The following PLCL2 variants were observed in gnomAD, a reference collection of about 807,000 sequenced individuals.
The protein encoded by PLCL2 is phospholipase C like 2, also known as inactive phospholipase C-like protein 2.
In PLCL2, 4 loss-of-function variants were observed where a neutral mutation model predicts 79.6. That is an observed-to-expected ratio of 0.05 (90% CI 0.02 to 0.11). The LOEUF is 0.11. PLCL2 is among the 10% of genes least tolerant of loss of function. The probability of loss-of-function intolerance (pLI) is 1.00; values close to 1 mark genes in which losing one functional copy is unlikely to be tolerated. For synonymous variants in PLCL2, 484 were observed against 457.7 expected, an observed-to-expected ratio of 1.06 and a Z score of -0.73; for missense variants, 895 against 1,291.0, an observed-to-expected ratio of 0.69 and a Z score of 4.70.
rs1575558599 is a variant in PLCL2, at chr3:16,966,306, A to G, written c.328-43368A>G. 2.6e-5 allele frequency among the ~76,000 whole-genome samples: 4 copies of G among 151,658 alleles called. No homozygotes were observed. The South Asian group carries it at 6.3e-4, about 24-fold the overall frequency. On this transcript the variant is annotated intron_variant, in intron 1 of 5. Coordinates refer to ENST00000615277, the MANE Select transcript of PLCL2 (RefSeq NM_001144382.2). ...GGTTTTTGTTTTTGGTTCTGTTTATATGCTGGATTATGTTTATTGATTTGC... is the reference window on the plus strand; with the variant it reads ...GGTTTTTGTTTTTGGTTCTGTTTATGTGCTGGATTATGTTTATTGATTTGC...
intron 1 of PLCL2, among the ~76,000 whole-genome samples, chr3:16,995,778 C>T (rs565724814): frequency 4.6e-5 from 7 of 152,140 alleles, no homozygotes; most frequent in Admixed American, 1.3e-4. Context: ...CCGTAGGCTC[C>T]GTGGAGGATT....
chr3:17,063,252 C>CCCTCCCTCCCTGCCTG lies in PLCL2; in HGVS notation c.3095-4701_3095-4700insCCCTCCCTGCCTGCCT, dbSNP rs1394617818. The stretch of plus-strand genomic sequence containing the variant: ...TCCCTCCCTCCCTCCCTGCCTTCCT[C>CCCTCCCTCCCTGCCTG]CCTTCCTCCCTTCCTCCCTTCCTCC... On this transcript the variant is annotated intron_variant, in intron 4 of 5. Transcript: ENST00000615277. 4.9e-4 allele frequency among the ~76,000 whole-genome samples: 2 copies of CCCTCCCTCCCTGCCTG among 4,076 alleles called. 1 individual carries two copies. Among genetic ancestry groups the CCCTCCCTCCCTGCCTG allele is most frequent in the Non-Finnish European group, 8.7e-4 (2 of 2,302 alleles). 2.7% of individuals were successfully genotyped at this position (4,076 alleles called of 152,430 possible). A position where few individuals can be genotyped will look rare whatever the true frequency, so the allele number is the denominator to read the frequency against.
At chr3:16,981,154 A>G (rs2063992965) in intron 1 of PLCL2, among the ~76,000 whole-genome samples, 2 of 151,698 alleles carry the variant, frequency 1.3e-5, no homozygotes, top group Middle Eastern at 3.2e-3. Flanking sequence ...GACTCGGGGG[A>G]GAGGGAGAGG....
chr3:17,083,026 G>A (rs753459191), intron 5 of PLCL2, among the ~76,000 whole-genome samples: 1 of 152,128 alleles, frequency 6.6e-6, no homozygotes, highest in Admixed American at 6.5e-5. Flanking sequence ...ACCTGGCACT[G>A]TTCTAGGCTC....
intron 2 of PLCL2, among the ~76,000 whole-genome samples, chr3:17,013,176 G>GC (rs147475507): frequency 0.023 from 3,538 of 152,254 alleles, 132 homozygotes; most frequent in African/African-American, 0.08. Flanking sequence ...CTGAGCAAGC[G>GC]CATTGTCCAC....
At chr3:16,898,571 A>G (rs540150505) in intron 1 of PLCL2, among the ~76,000 whole-genome samples, 1 of 152,232 alleles carries the variant, frequency 6.6e-6, no homozygotes, top group Non-Finnish European at 1.5e-5. Flanking sequence ...CAAGCGTTCT[A>G]CTGGGCTCCT....
At chr3:17,013,725 G>A (rs546254342) in intron 2 of PLCL2, among the ~76,000 whole-genome samples, 3 of 152,340 alleles carry the variant, frequency 2.0e-5, no homozygotes, top group Admixed American at 6.5e-5. Flanking sequence ...CCCTCTGCCC[G>A]CATGCCCGGC....
chr3:16,946,725 G>C (rs74331538), intron 1 of PLCL2, among the ~76,000 whole-genome samples: 4,345 of 152,062 alleles, frequency 0.029, 228 homozygotes, highest in African/African-American at 0.1. Context: ...ATGGAATATG[G>C]TGTGTCTTCT....
intron 1 of PLCL2, among the ~76,000 whole-genome samples, chr3:16,994,617 GATAATTGTA>G (rs1213718480): frequency 5.3e-5 from 8 of 152,284 alleles, no homozygotes; most frequent in African/African-American, 1.9e-4. Flanking sequence ...AACATTTTGA[GATAATTGTA>G]ATTATTTTAA....
At chr3:17,000,892 C>T (rs1340756123) in intron 1 of PLCL2, among the ~76,000 whole-genome samples, 6 of 152,076 alleles carry the variant, frequency 3.9e-5, no homozygotes, top group Admixed American at 6.5e-5. Flanking sequence ...ATGGATGTGC[C>T]GGTATTTCTT....
chr3:17,022,694 A>C (rs1432315486), intron 3 of PLCL2, among the ~76,000 whole-genome samples: 1 of 152,104 alleles, frequency 6.6e-6, no homozygotes, highest in Non-Finnish European at 1.5e-5. Flanking sequence ...ACTTTAATTG[A>C]GTGGAGGAGG....
At chr3:17,071,685 T>C (rs2065061986) in intron 5 of PLCL2, among the ~76,000 whole-genome samples, 1 of 152,328 alleles carries the variant, frequency 6.6e-6, no homozygotes, top group South Asian at 2.1e-4. Flanking sequence ...ATATATCTTA[T>C]AGTCCATGGC....
intron 1 of PLCL2, among the ~76,000 whole-genome samples, chr3:16,902,446 A>C (rs1696645256): frequency 6.6e-6 from 1 of 152,212 alleles, no homozygotes; most frequent in African/African-American, 2.4e-5. Flanking sequence ...GCTGCTATTA[A>C]AATTAAACAA....
intron 4 of PLCL2, among the ~76,000 whole-genome samples, chr3:17,066,627 A>G (rs1575613113): frequency 6.6e-6 from 1 of 152,242 alleles, no homozygotes; most frequent in Non-Finnish European, 1.5e-5. Flanking sequence ...AAACAATGCA[A>G]CGTCCTTCAG....
At chr3:17,037,288 G>T (rs1363373441) in intron 3 of PLCL2, among the ~76,000 whole-genome samples, 1 of 152,158 alleles carries the variant, frequency 6.6e-6, no homozygotes, top group African/African-American at 2.4e-5. Flanking sequence ...GCCTATCATG[G>T]ATCTCCAAGG....
chr3:16,999,611 C>T (rs1002099001), intron 1 of PLCL2, among the ~76,000 whole-genome samples: 4 of 152,146 alleles, frequency 2.6e-5, no homozygotes, highest in East Asian at 1.9e-4. Context: ...GTGAGGAAAC[C>T]GAGGCACAGA....
chr3:17,025,179 T>G (rs1369377555), intron 3 of PLCL2, among the ~76,000 whole-genome samples: 3 of 152,216 alleles, frequency 2.0e-5, no homozygotes, highest in Non-Finnish European at 4.4e-5. Context: ...GTGTGTAAAG[T>G]TGCAGTGATA....
intron 3 of PLCL2, among the ~76,000 whole-genome samples, chr3:17,041,458 G>C (rs949179702): frequency 1.3e-5 from 2 of 152,114 alleles, no homozygotes; most frequent in Non-Finnish European, 2.9e-5. Flanking sequence ...TTAGAACTGT[G>C]CAAGTTGATA....
intron 1 of PLCL2, among the ~76,000 whole-genome samples, chr3:16,888,941 C>T (rs1168640258): frequency 1.3e-5 from 2 of 152,156 alleles, no homozygotes; most frequent in African/African-American, 4.8e-5. Context: ...TACATTCAGT[C>T]ATTTAATCAC....
Sources: allele counts gnomAD v4.1 joint callset (sites outside exome capture counted in the v4.1 genomes callset), GRCh38; gene constraint gnomAD v4.1.1; transcripts MANE v1.5; gene names NCBI Gene and HGNC (gene_info 2026-07-23, HGNC 2026-07-21).